The following KIRREL3 variants were observed in gnomAD, a reference collection of about 807,000 sequenced individuals.
The protein encoded by KIRREL3 is kin of IRRE-like protein 3.
In KIRREL3, 36 loss-of-function variants were observed where a neutral mutation model predicts 89.7. The ratio of observed to expected loss-of-function variants is 0.40; its 90% CI spans 0.31 to 0.53. The LOEUF (loss-of-function observed/expected upper bound fraction) is 0.53. Ranked by LOEUF, KIRREL3 falls within the 20% of genes least tolerant of loss-of-function variation. KIRREL3 has a pLI of 0.49. For synonymous variants in KIRREL3, 445 were observed against 441.4 expected (o/e 1.01, Z -0.10); for missense variants, 864 against 1,056.6 (o/e 0.82, Z 2.53).
chr11:126,896,767 C>T lies in KIRREL3; in HGVS notation c.55+103688G>A, dbSNP rs1196305637. 6.6e-6 allele frequency among the ~76,000 whole-genome samples: 1 copy of T among 152,196 alleles called. No individual in the cohort carries two copies. The highest frequency in any genetic ancestry group is 1.5e-5 in the Non-Finnish European group (1 of 68,048). On this transcript the variant is annotated intron_variant, in intron 1 of 16. Transcript: ENST00000525144. The surrounding 1 kb of genome is among the most constrained non-coding windows in gnomAD (Gnocchi z 4.1). Reference sequence around the variant, plus strand: ...CCTCTGACCTGTGGAGATTCATTCTCACCACGTGTTCCAACTCTAGAACTA... The same window carrying T: ...CCTCTGACCTGTGGAGATTCATTCTTACCACGTGTTCCAACTCTAGAACTA...
chr11:126,781,930 C>T (rs1950338649), intron 1 of KIRREL3, among the ~76,000 whole-genome samples: 1 of 152,154 alleles, frequency 6.6e-6, no homozygotes. Context: ...TTTCCCTGTT[C>T]CCTTGACTAT....
chr11:126,914,902 T>G (rs1469182401), intron 1 of KIRREL3, among the ~76,000 whole-genome samples: 2 of 152,206 alleles, frequency 1.3e-5, no homozygotes, highest in East Asian at 3.8e-4. Context: ...ACAATTAACA[T>G]TTTAATGTTG....
chr11:126,964,477 G>C (rs1949203271), intron 1 of KIRREL3, among the ~76,000 whole-genome samples: 1 of 152,072 alleles, frequency 6.6e-6, no homozygotes. Context: ...TGTTGGGTAG[G>C]TCCTCCTAGA....
rs142790444 is a variant in KIRREL3, at chr11:126,999,564, A to C, written c.55+891T>G. Among the ~76,000 whole-genome samples the C allele has an allele frequency of 0.016, 2,432 of 152,336 alleles. 44 individuals are homozygous for C. Among genetic ancestry groups the C allele is most frequent in the Non-Finnish European group, 0.02 (1,388 of 68,036 alleles). ...CCTCAGATGGCAGAGGTGCATTGGC[A>C]TTCCAAAAGAGCGGGAAGGAGCCCA... On this transcript the variant is annotated intron_variant, in intron 1 of 16. Transcript: ENST00000525144. The surrounding 1 kb of genome is among the most constrained non-coding windows in gnomAD (Gnocchi z 5.7).
At chr11:126,921,008 T>C (rs1016903349) in intron 1 of KIRREL3, among the ~76,000 whole-genome samples, 2 of 152,230 alleles carry the variant, frequency 1.3e-5, no homozygotes, top group African/African-American at 4.8e-5. Context: ...AGGAAGAGAC[T>C]GGCACTTGCA....
intron 1 of KIRREL3, among the ~76,000 whole-genome samples, chr11:126,597,080 A>G (rs1290797628): frequency 1.3e-5 from 2 of 152,224 alleles, no homozygotes; most frequent in Non-Finnish European, 2.9e-5. Context: ...CTTGATTTAC[A>G]CTAGCCATCA....
At position 126,498,014 on chromosome 11, in the gene KIRREL3, A is replaced by G. The variant is rs1957730464; in HGVS notation, c.433+23301T>C. Among the ~76,000 whole-genome samples the G allele has an allele frequency of 6.6e-6, 1 of 152,192 alleles. No homozygotes were observed. Among genetic ancestry groups the G allele is most frequent in the Admixed American group, 6.5e-5 (1 of 15,288 alleles). On this transcript the variant is annotated intron_variant, in intron 4 of 16. Coordinates refer to ENST00000525144, the MANE Select transcript of KIRREL3 (RefSeq NM_032531.4). The surrounding 1 kb of genome is among the most constrained non-coding windows in gnomAD (Gnocchi z 4.3). ...GATAAGTGAGTCAGGCATCTGGCTC[A>G]GTAAAAAGTGTCTTCTCCATTTTAT... is the stretch of plus-strand genomic sequence containing the variant.
rs1941167537 is a variant in KIRREL3, at chr11:126,574,824, A to G, written c.56-11912T>C. 1.3e-5 allele frequency among the ~76,000 whole-genome samples: 2 copies of G among 152,182 alleles called. No homozygotes were observed. The highest frequency in any genetic ancestry group is 4.8e-5 in the African/African-American group (2 of 41,428). On this transcript the variant is annotated intron_variant, in intron 1 of 16. Transcript: ENST00000525144. The surrounding 1 kb of genome is among the most constrained non-coding windows in gnomAD (Gnocchi z 5.3). The stretch of plus-strand genomic sequence containing the variant: ...CTCCTGCCAACCCATTCATTTGTTT[A>G]TTGATGAGCTGCTTAATACTTCTTG...
rs377659426 is a variant in KIRREL3, at chr11:126,854,883, A to T, written c.55+145572T>A. 2.6e-5 allele frequency among the ~76,000 whole-genome samples: 4 copies of T among 152,292 alleles called. No individual in the cohort carries two copies. In the East Asian group the frequency reaches 7.7e-4, roughly 29 times the overall value. On this transcript the variant is annotated intron_variant, in intron 1 of 16. Transcript: ENST00000525144. ...CAATTCATCCTCTGCAGTCATTTCA[A>T]TCTCTTTCTCTCTACTTGGAATAAC...
rs1380906450 is a variant in KIRREL3, at chr11:126,703,023, T to C, written c.56-140111A>G. 6.6e-6 allele frequency among the ~76,000 whole-genome samples: 1 copy of C among 152,056 alleles called. No individual in the cohort carries two copies. Among genetic ancestry groups the C allele is most frequent in the Non-Finnish European group, 1.5e-5 (1 of 68,002 alleles). ...TTGAGGAGTCTTTTTATTTTCAGAG[T>C]GGCAGGGAGGATGGTTTATGGTGAG... On this transcript the variant is annotated intron_variant, in intron 1 of 16. Coordinates refer to ENST00000525144, the MANE Select transcript of KIRREL3 (RefSeq NM_032531.4). This position sits in a 1 kb window ranked among gnomAD's most constrained non-coding sequence, Gnocchi z 4.6.
At position 126,752,170 on chromosome 11, in the gene KIRREL3, G is replaced by T. The variant is rs959688881; in HGVS notation, c.56-189258C>A. On this transcript the variant is annotated intron_variant, in intron 1 of 16. Transcript: ENST00000525144. The surrounding 1 kb of genome is among the most constrained non-coding windows in gnomAD (Gnocchi z 4.8). ...AGTTATGAAGACGGGGTAAGCTAAT[G>T]TATTGAAAGGATTTCCCAGGCTCAG... 1.3e-5 allele frequency among the ~76,000 whole-genome samples: 2 copies of T among 151,982 alleles called. No homozygotes were observed. The highest frequency in any genetic ancestry group is 4.8e-5 in the African/African-American group (2 of 41,340).
intron 1 of KIRREL3, among the ~76,000 whole-genome samples, chr11:126,727,523 T>C (rs759763700): frequency 6.6e-6 from 1 of 152,186 alleles, no homozygotes; most frequent in Non-Finnish European, 1.5e-5. Flanking sequence ...TGGGAGGCGC[T>C]CAGCTGTCTG....
intron 2 of KIRREL3, among the ~76,000 whole-genome samples, chr11:126,552,450 C>T (rs1368623742): frequency 6.6e-6 from 1 of 150,760 alleles, no homozygotes; most frequent in East Asian, 2.0e-4. Flanking sequence ...GGTTTAAAAA[C>T]ACAGTGACAG....
In KIRREL3 at chr11:126,428,654, T is replaced by C. The variant is rs1394743866; in HGVS notation, c.1806+525A>G. Among the ~76,000 whole-genome samples, 1 of 152,108 alleles carries C rather than the reference T, an allele frequency of 6.6e-6. No homozygotes were observed. The highest frequency in any genetic ancestry group is 1.9e-4 in the East Asian group (1 of 5,184). On this transcript the variant is annotated intron_variant, in intron 15 of 16. Coordinates refer to ENST00000525144, the MANE Select transcript of KIRREL3 (RefSeq NM_032531.4). The surrounding 1 kb of genome is among the most constrained non-coding windows in gnomAD (Gnocchi z 6.4). ...TGAAGGGTAGACTGCATTTTTGTTG[T>C]TGTTGTTGTTTTGAGATGGAGTCTC...
Position 126,783,915 on chromosome 11 carries a change from A to G in KIRREL3, c.55+216540T>C, listed in dbSNP as rs1367552129. Among the ~76,000 whole-genome samples the G allele has an allele frequency of 6.6e-6, 1 of 152,214 alleles. No homozygotes were observed. The highest frequency in any genetic ancestry group is 2.4e-5 in the African/African-American group (1 of 41,456). On this transcript the variant is annotated intron_variant, in intron 1 of 16. Transcript: ENST00000525144. This position sits in a 1 kb window ranked among gnomAD's most constrained non-coding sequence, Gnocchi z 4.3. ...GCAGCAACAGTGATGTGCCATGTTG[A>G]TAGCACACACCCTTGATAGGATACG...
At chr11:126,849,416 T>TTGATGAAG (rs1944261256) in intron 1 of KIRREL3, among the ~76,000 whole-genome samples, 1 of 152,202 alleles carries the variant, frequency 6.6e-6, no homozygotes. Context: ...TTCTTTACTT[T>TTGATGAAG]CTTAGTAAAC....
rs1279316314 is a variant in KIRREL3 at position 126,734,481 on chromosome 11, T to C, written c.56-171569A>G. Among the ~76,000 whole-genome samples, 2 of 151,984 alleles carry C rather than the reference T, an allele frequency of 1.3e-5. No individual in the cohort carries two copies. The highest frequency in any genetic ancestry group is 2.9e-5 in the Non-Finnish European group (2 of 67,982). On this transcript the variant is annotated intron_variant, in intron 1 of 16. Transcript: ENST00000525144. This position sits in a 1 kb window ranked among gnomAD's most constrained non-coding sequence, Gnocchi z 5.9. ...GAGTTCGAGACCAGCCTGACCAACA[T>C]GGAGAAACCCTGTCTCTACGAAAAA... is the stretch of plus-strand genomic sequence containing the variant.
rs187234861 is a variant in KIRREL3, at chr11:126,785,402, G to A, written c.55+215053C>T. Reference sequence around the variant, plus strand: ...TGGCCCCACCTCCTGCATGGTCAGAGCCTCACTTGTCCCTTCCTTGTCCAT... The same window carrying A: ...TGGCCCCACCTCCTGCATGGTCAGAACCTCACTTGTCCCTTCCTTGTCCAT... On this transcript the variant is annotated intron_variant, in intron 1 of 16. Transcript: ENST00000525144. Among the ~76,000 whole-genome samples the A allele has an allele frequency of 3.9e-3, 595 of 152,262 alleles. 5 individuals are homozygous for A. The highest frequency in any genetic ancestry group is 6.2e-3 in the Non-Finnish European group (425 of 68,004).
chr11:126,838,970 G>A (rs1943867721), intron 1 of KIRREL3, among the ~76,000 whole-genome samples: 1 of 152,174 alleles, frequency 6.6e-6, no homozygotes, highest in African/African-American at 2.4e-5. Flanking sequence ...GCTGTGGCTG[G>A]AGAGACCTGC....
Sources: allele counts gnomAD v4.1 joint callset (sites outside exome capture counted in the v4.1 genomes callset), GRCh38; gene constraint gnomAD v4.1.1; non-coding constraint Gnocchi (gnomAD v3.1); transcripts MANE v1.5; gene names NCBI Gene and HGNC (gene_info 2026-07-23, HGNC 2026-07-21).